The following ELMO1 variants were observed in gnomAD, a reference collection of about 807,000 sequenced individuals.
ELMO1 encodes the protein engulfment and cell motility protein 1.
A neutral mutation model predicts 98.9 loss-of-function variants in ELMO1; 26 were observed. The observed-to-expected ratio is 0.26, with a 90% CI of 0.19 to 0.36. The LOEUF is 0.36. ELMO1 is among the 10% of genes least tolerant of loss of function. ELMO1 has a pLI of 1.00. For missense variants in ELMO1, 627 were observed against 935.2 expected (o/e 0.67, Z 4.30); for synonymous variants, 346 against 346.0 (o/e 1.00, Z 0.00).
chr7:37,165,144 T>A (rs1324178342), intron 13 of ELMO1, among the ~76,000 whole-genome samples: 2 of 150,554 alleles, frequency 1.3e-5, no homozygotes, highest in Non-Finnish European at 3.0e-5. Context: ...GTTCGTCTGT[T>A]ATTGGTATAC....
chr7:37,194,887 T>C (rs1280663681), intron 13 of ELMO1, among the ~76,000 whole-genome samples: 1 of 152,198 alleles, frequency 6.6e-6, no homozygotes, highest in Non-Finnish European at 1.5e-5. Context: ...AGTAAAGGTG[T>C]CTCCTTTCTT....
At chr7:37,075,932 G>A (rs17170865) in intron 15 of ELMO1, among the ~76,000 whole-genome samples, 6,335 of 152,274 alleles carry the variant, frequency 0.042, 392 homozygotes, top group African/African-American at 0.14. Context: ...GCTCTGTTGA[G>A]TAAGTAATTT....
intron 16 of ELMO1, among the ~76,000 whole-genome samples, chr7:36,940,625 T>C (rs138137778): frequency 1.5e-4 from 23 of 152,354 alleles, no homozygotes; most frequent in African/African-American, 5.3e-4. Context: ...ATATTGAGTA[T>C]AGTAATCAAT....
chr7:37,007,009 A>G (rs184077045), intron 16 of ELMO1, among the ~76,000 whole-genome samples: 181 of 151,494 alleles, frequency 1.2e-3, no homozygotes, highest in African/African-American at 4.3e-3. Flanking sequence ...AGGTAACACT[A>G]TCTTACATGA....
intron 15 of ELMO1, among the ~76,000 whole-genome samples, chr7:37,060,571 C>T (rs1796615094): frequency 6.6e-6 from 1 of 152,154 alleles, no homozygotes; most frequent in Admixed American, 6.6e-5. Flanking sequence ...CTGGGTGACA[C>T]TGGTACACCA....
chr7:36,869,767 G>C (rs1163482182), intron 20 of ELMO1, among the ~76,000 whole-genome samples: 3 of 152,202 alleles, frequency 2.0e-5, no homozygotes, highest in Non-Finnish European at 2.9e-5. Context: ...ATAATGGAAT[G>C]GTTGGTAAAC....
chr7:36,923,468 G>A (rs1785300191), intron 16 of ELMO1, among the ~76,000 whole-genome samples: 1 of 152,184 alleles, frequency 6.6e-6, no homozygotes, highest in Non-Finnish European at 1.5e-5. Flanking sequence ...CCCTTGTATT[G>A]GTTGGATCCA....
In ELMO1 at chr7:36,958,978, C is replaced by T. The variant is rs148190290; in HGVS notation, c.1437+54321G>A. 2.6e-3 allele frequency among the ~76,000 whole-genome samples: 402 copies of T among 152,164 alleles called. 3 individuals are homozygous for T. The highest frequency in any genetic ancestry group is 3.4e-3 in the Admixed American group (52 of 15,292). On this transcript the variant is annotated intron_variant, in intron 16 of 21. Coordinates refer to ENST00000310758, the MANE Select transcript of ELMO1 (RefSeq NM_014800.11). ...ATCTGCACTTGGGTGTCTATCCGGGCATCTCACAGCCAACAGTTCCAAGCT... is the reference window on the plus strand; with the variant it reads ...ATCTGCACTTGGGTGTCTATCCGGGTATCTCACAGCCAACAGTTCCAAGCT...
intron 1 of ELMO1, among the ~76,000 whole-genome samples, chr7:37,447,936 C>G (rs898754793): frequency 6.6e-6 from 1 of 151,778 alleles, no homozygotes; most frequent in African/African-American, 2.4e-5. Flanking sequence ...AAGGCGCGCC[C>G]GGTGCGTCCC....
At chr7:37,331,629 A>C (rs2131200776) in intron 2 of ELMO1, among the ~76,000 whole-genome samples, 1 of 152,174 alleles carries the variant, frequency 6.6e-6, no homozygotes, top group Non-Finnish European at 1.5e-5. Flanking sequence ...AGGATACTCA[A>C]CACACACCGA....
intron 1 of ELMO1, among the ~76,000 whole-genome samples, chr7:37,448,106 C>T (rs1401465467): frequency 1.3e-5 from 2 of 152,074 alleles, no homozygotes; most frequent in East Asian, 3.9e-4. Context: ...CCTCCTGGCC[C>T]CCATTCCTCT....
chr7:37,394,670 T>G (rs1390028441), intron 1 of ELMO1, among the ~76,000 whole-genome samples: 1 of 152,048 alleles, frequency 6.6e-6, no homozygotes, highest in Non-Finnish European at 1.5e-5. Flanking sequence ...GAGACCAGAT[T>G]CCACAGAAAC....
chr7:37,172,389 A>G (rs552104098), intron 13 of ELMO1, among the ~76,000 whole-genome samples: 1 of 152,234 alleles, frequency 6.6e-6, no homozygotes, highest in Admixed American at 6.5e-5. Flanking sequence ...TTTACCCTCA[A>G]TATCTAGGAA....
intron 3 of ELMO1, among the ~76,000 whole-genome samples, chr7:37,315,123 T>C (rs1008497685): frequency 1.3e-5 from 2 of 152,194 alleles, no homozygotes; most frequent in Non-Finnish European, 2.9e-5. Context: ...GTGTAGACTG[T>C]CTAGACCTGA....
At chr7:37,105,907 G>C (rs4723613) in intron 14 of ELMO1, among the ~76,000 whole-genome samples, 31,873 of 152,090 alleles carry the variant, frequency 0.21, 3,921 homozygotes, top group African/African-American at 0.34. Flanking sequence ...GCGGGTATGG[G>C]GTTATTTCTG....
intron 15 of ELMO1, among the ~76,000 whole-genome samples, chr7:37,091,016 G>A (rs1281858541): frequency 6.6e-6 from 1 of 152,162 alleles, no homozygotes; most frequent in Non-Finnish European, 1.5e-5. Context: ...ATATAATTGG[G>A]TAAGGTTCTA....
At chr7:37,171,674 A>G (rs62459309) in intron 13 of ELMO1, among the ~76,000 whole-genome samples, 3,236 of 151,488 alleles carry the variant, frequency 0.021, 85 homozygotes, top group Non-Finnish European at 0.027. Context: ...TTGTATTTTT[A>G]GTGGAGACGG....
intron 2 of ELMO1, 147 bp from the exon 3 acceptor site, chr7:37,316,107 T>C: frequency 1.5e-6 from 1 of 666,952 alleles, no homozygotes; most frequent in South Asian, 1.9e-5. Flanking sequence ...CTCTTATTTT[T>C]CTCAAGGTAA....
intron 19 of ELMO1, among the ~76,000 whole-genome samples, chr7:36,874,094 G>C (rs1382340363): frequency 3.9e-5 from 6 of 152,218 alleles, no homozygotes; most frequent in Non-Finnish European, 5.9e-5. Context: ...CAGAGTGCCA[G>C]GGTTTGAATT....
Sources: allele counts gnomAD v4.1 joint callset (sites outside exome capture counted in the v4.1 genomes callset), GRCh38; gene constraint gnomAD v4.1.1; transcripts MANE v1.5; gene names NCBI Gene and HGNC (gene_info 2026-07-23, HGNC 2026-07-21).